Variants in SHISAL2B observed in about 807,000 individuals in gnomAD.
SHISAL2B encodes protein shisa-like-2B.
In SHISAL2B, 12 loss-of-function variants were observed where a neutral mutation model predicts 16.5. That is an observed-to-expected ratio of 0.73 (90% CI 0.47 to 1.18). The LOEUF (loss-of-function observed/expected upper bound fraction) is 1.18, where lower values mean the gene tolerates loss of function less well. Ranked by LOEUF, SHISAL2B falls within the 50% of genes most tolerant of loss-of-function variation. The pLI is 0.00. For missense variants in SHISAL2B, 183 were observed against 193.6 expected (o/e 0.95, Z 0.33); for synonymous variants, 72 against 75.0 (o/e 0.96, Z 0.21).
chr5:64,690,576 C>T lies in SHISAL2B; in HGVS notation c.-48C>T. The T allele has an allele frequency of 7.1e-7, 1 of 1,412,912 alleles. No homozygotes were observed. The highest frequency in any genetic ancestry group is 9.3e-7 in the Non-Finnish European group (1 of 1,077,732). The allele number at this position is 1,412,912 out of a possible 1,614,324, so 87.5% of individuals were successfully genotyped here. A position where few individuals can be genotyped will look rare whatever the true frequency, so the allele number is the denominator to read the frequency against. ...CTGGAGGTGCTGGACGGGTGCGATCCGAGAGCAGACCGGGGCCCTCGCGAG... is the reference window on the plus strand; with the variant it reads ...CTGGAGGTGCTGGACGGGTGCGATCTGAGAGCAGACCGGGGCCCTCGCGAG... On this transcript the variant is annotated 5_prime_UTR_variant, in exon 1 of 3. Transcript: ENST00000389074.
intron 2 of SHISAL2B, among the ~76,000 whole-genome samples, chr5:64,709,198 C>G (rs1741917023): frequency 8.3e-6 from 1 of 120,230 alleles, no homozygotes; most frequent in Non-Finnish European, 1.7e-5. Flanking sequence ...TCCCCCCACC[C>G]CACCACAGTC....
At chr5:64,710,430 G>C in intron 2 of SHISAL2B, among the ~76,000 whole-genome samples, 1 of 60,896 alleles carries the variant, frequency 1.6e-5, no homozygotes, top group African/African-American at 1.2e-4. Flanking sequence ...TGCTGTTTTG[G>C]TTACTGTAGC....
intron 2 of SHISAL2B, among the ~76,000 whole-genome samples, chr5:64,709,595 T>A (rs1299724289): frequency 6.6e-6 from 1 of 151,256 alleles, no homozygotes; most frequent in Non-Finnish European, 1.5e-5. Context: ...TAGTTCTAGA[T>A]CCCTGAGGAA....
At chr5:64,716,143 T>C (rs1480511391) in intron 2 of SHISAL2B, among the ~76,000 whole-genome samples, 1 of 152,222 alleles carries the variant, frequency 6.6e-6, no homozygotes, top group Non-Finnish European at 1.5e-5. Flanking sequence ...AGATTAAAAC[T>C]TTTTCATGTT....
At chr5:64,708,460 T>G (rs1741903642) in intron 2 of SHISAL2B, among the ~76,000 whole-genome samples, 2 of 152,174 alleles carry the variant, frequency 1.3e-5, no homozygotes. Flanking sequence ...GTGAAAACCT[T>G]TATTCTTTGA....
In SHISAL2B at chr5:64,690,610, G is replaced by GGCCCCT. The variant is rs1741617736; in HGVS notation, c.-9_-4dup. Reference sequence around the variant, plus strand: ...ACCGGGGCCCTCGCGAGCCTCTCCCGGCCCCTGCCCGCGATGAGCGAGGCC... The same window carrying GGCCCCT: ...ACCGGGGCCCTCGCGAGCCTCTCCCGGCCCCTGCCCCTGCCCGCGATGAGCGAGGCC... On this transcript the variant is annotated 5_prime_UTR_variant, in exon 1 of 3. Coordinates refer to ENST00000389074, the MANE Select transcript of SHISAL2B (RefSeq NM_001164442.2). 1.4e-6 allele frequency: 2 copies of GGCCCCT among 1,466,424 alleles called. No individual in the cohort carries two copies. Among genetic ancestry groups the GGCCCCT allele is most frequent in the Non-Finnish European group, 1.8e-6 (2 of 1,106,890 alleles). 90.8% of individuals were successfully genotyped at this position (1,466,424 alleles called of 1,614,324 possible).
At chr5:64,712,816 T>C (rs1741978498) in intron 2 of SHISAL2B, among the ~76,000 whole-genome samples, 1 of 151,600 alleles carries the variant, frequency 6.6e-6, no homozygotes, top group Non-Finnish European at 1.5e-5. Context: ...TCTCTTTTGA[T>C]CTTTGTTGGT....
At position 64,690,515 on chromosome 5, in the gene SHISAL2B, G is replaced by T; in HGVS notation, c.-109G>T. The T allele has an allele frequency of 2.3e-6, 2 of 869,082 alleles. No individual in the cohort carries two copies. The highest frequency in any genetic ancestry group is 3.2e-6 in the Non-Finnish European group (2 of 628,082). 53.8% of individuals were successfully genotyped at this position (869,082 alleles called of 1,614,324 possible). A position where few individuals can be genotyped will look rare whatever the true frequency, so the allele number is the denominator to read the frequency against. On this transcript the variant is annotated 5_prime_UTR_variant, in exon 1 of 3. Coordinates refer to ENST00000389074, the MANE Select transcript of SHISAL2B (RefSeq NM_001164442.2). The stretch of plus-strand genomic sequence containing the variant: ...CGCCCAGGCAGCCAGAGCCCAGATC[G>T]GAAGAGCCGAGTCCGGGCAGAGGGG...
In SHISAL2B at chr5:64,690,548, G is replaced by A; in HGVS notation, c.-76G>A. 1.6e-6 allele frequency: 2 copies of A among 1,250,120 alleles called. No homozygotes were observed. The highest frequency in any genetic ancestry group is 3.6e-5 in the South Asian group (2 of 54,800). 77.4% of individuals were successfully genotyped at this position (1,250,120 alleles called of 1,614,324 possible). On this transcript the variant is annotated 5_prime_UTR_variant, in exon 1 of 3. Transcript: ENST00000389074. ...CGAGTCCGGGCAGAGGGGTCCGCGG[G>A]CTCTGGAGGTGCTGGACGGGTGCGA...
intron 2 of SHISAL2B, among the ~76,000 whole-genome samples, chr5:64,712,302 T>C (rs1277084206): frequency 1.3e-5 from 2 of 152,160 alleles, no homozygotes; most frequent in Non-Finnish European, 2.9e-5. Flanking sequence ...ATGTACCCAG[T>C]AGTCATTCAG....
intron 2 of SHISAL2B, 138 bp downstream of exon 2, chr5:64,695,802 T>C: frequency 1.7e-6 from 1 of 585,554 alleles, no homozygotes; most frequent in Admixed American, 3.7e-5. Context: ...AAATTCACAT[T>C]GAATCAGGCC....
At chr5:64,700,475 A>G (rs1439860475) in intron 2 of SHISAL2B, among the ~76,000 whole-genome samples, 3 of 152,098 alleles carry the variant, frequency 2.0e-5, no homozygotes, top group African/African-American at 7.2e-5. Flanking sequence ...TGGTGGCGCA[A>G]TCTTGGCTCA....
intron 2 of SHISAL2B, among the ~76,000 whole-genome samples, chr5:64,700,805 G>A (rs1741798902): frequency 1.3e-5 from 2 of 152,160 alleles, no homozygotes; most frequent in Admixed American, 1.3e-4. Flanking sequence ...GGGTGGGAGG[G>A]ATGGTTTTGG....
chr5:64,691,509 T>G (rs889446698), intron 1 of SHISAL2B: 1 of 151,646 alleles, frequency 6.6e-6, no homozygotes, highest in African/African-American at 2.4e-5. Flanking sequence ...GTACAGCTTT[T>G]GGTTGCTATG....
At chr5:64,690,864 G>T in intron 1 of SHISAL2B, 50 bp downstream of exon 1, 1 of 1,435,036 alleles carries the variant, frequency 7.0e-7, no homozygotes. Context: ...CGGGGCTAGG[G>T]AGGCGACAAG....
At chr5:64,709,542 G>A (rs536166721) in intron 2 of SHISAL2B, among the ~76,000 whole-genome samples, 5 of 151,030 alleles carry the variant, frequency 3.3e-5, no homozygotes, top group Admixed American at 3.3e-4. Flanking sequence ...TAGTCATTTG[G>A]GTATATACCT....
At chr5:64,701,480 T>C (rs546871619) in intron 2 of SHISAL2B, among the ~76,000 whole-genome samples, 4 of 152,352 alleles carry the variant, frequency 2.6e-5, no homozygotes, top group African/African-American at 9.6e-5. Context: ...TCCAGGAAGA[T>C]AAAGCATATT....
chr5:64,695,637 C>A lies in SHISAL2B; in HGVS notation c.322C>A (p.His108Asn). Residue 108 changes from histidine to asparagine, a missense_variant, in exon 2 of 3, where the codon CAC becomes AAC. By Grantham distance (68) the His-to-Asn change is moderately conservative (BLOSUM62 1). Transcript: ENST00000389074. ...QRLDTGLKLQ[H>N]LEASSTQEGK... is the part of the protein sequence containing the mutation. ...ATTAGACACTGGCCTTAAGCTTCAA[C>A]ACTTAGAGGCTTCTTCCACTCAAGA... The A allele has an allele frequency of 6.5e-7, 1 of 1,534,168 alleles. No individual in the cohort carries two copies. Among genetic ancestry groups the A allele is most frequent in the Non-Finnish European group, 8.7e-7 (1 of 1,145,640 alleles).
intron 1 of SHISAL2B, chr5:64,694,336 T>A: frequency 4.1e-6 from 1 of 245,536 alleles, no homozygotes; most frequent in Non-Finnish European, 8.0e-6. Context: ...TTGAGTAGAA[T>A]TGATTAAAAT....
Sources: allele counts gnomAD v4.1 joint callset (sites outside exome capture counted in the v4.1 genomes callset), GRCh38; gene constraint gnomAD v4.1.1; transcripts MANE v1.5; gene names NCBI Gene and HGNC (gene_info 2026-07-23, HGNC 2026-07-21).